LRP1B: variants seen among roughly 807,000 people sequenced by gnomAD.
The protein encoded by LRP1B is low-density lipoprotein receptor-related protein 1B.
In LRP1B, 217 loss-of-function variants were observed where a neutral mutation model predicts 556.6. That is an observed-to-expected ratio of 0.39 (90% confidence interval 0.35 to 0.44). The LOEUF is 0.44. Ranked by LOEUF, LRP1B falls within the 20% of genes least tolerant of loss-of-function variation. The probability of loss-of-function intolerance (pLI) is 1.00; values close to 1 mark genes in which losing one functional copy is unlikely to be tolerated. For synonymous variants in LRP1B, 2,047 were observed against 1,865.8 expected (o/e 1.10, Z -2.50); for missense variants, 5,053 against 5,620.8 (o/e 0.90, Z 3.23).
intron 11 of LRP1B, among the ~76,000 whole-genome samples, chr2:141,043,461 T>G (rs1698768337): frequency 6.6e-6 from 1 of 151,810 alleles, no homozygotes; most frequent in South Asian, 2.1e-4. Context: ...TGAAAAAAGT[T>G]TGGTAAAGAA....
intron 3 of LRP1B, among the ~76,000 whole-genome samples, chr2:141,454,119 T>G (rs767881952): frequency 6.6e-6 from 1 of 152,070 alleles, no homozygotes; most frequent in African/African-American, 2.4e-5. Flanking sequence ...GAGTGAAAAT[T>G]TGGCATTTAA....
chr2:141,508,081 A>AT (rs961285663), intron 2 of LRP1B, among the ~76,000 whole-genome samples: 1 of 13,872 alleles, frequency 7.2e-5, no homozygotes. Context: ...GGGAGACTCC[A>AT]TCCCCCCCCC....
At chr2:141,426,076 C>T (rs1015697411) in intron 3 of LRP1B, among the ~76,000 whole-genome samples, 5 of 152,020 alleles carry the variant, frequency 3.3e-5, no homozygotes, top group African/African-American at 1.2e-4. Context: ...AGGCTTTAAT[C>T]CATCTTGAAT....
At chr2:140,262,713 G>T (rs1029325882) in intron 86 of LRP1B, among the ~76,000 whole-genome samples, 1 of 152,020 alleles carries the variant, frequency 6.6e-6, no homozygotes, top group African/African-American at 2.4e-5. Context: ...CTTCTAAAGG[G>T]GGGGAGTCCC....
intron 86 of LRP1B, among the ~76,000 whole-genome samples, chr2:140,250,148 T>TTTTTG (rs913825275): frequency 7.9e-5 from 12 of 151,862 alleles, no homozygotes; most frequent in African/African-American, 2.9e-4. Context: ...TCTTTTCTTG[T>TTTTTG]TTTTGTTTTG....
At chr2:140,989,680 A>T (rs1429365) in intron 16 of LRP1B, 23 bp from the exon 17 acceptor site, 604,214 of 1,607,620 alleles carry the variant, frequency 0.38, 119,163 homozygotes, top group East Asian at 0.62. Context: ...GGGAAGCAAG[A>T]TTAATTATTT....
intron 1 of LRP1B, among the ~76,000 whole-genome samples, chr2:141,835,568 A>G (rs1309920847): frequency 6.6e-6 from 1 of 151,924 alleles, no homozygotes. Context: ...AAAAAGATAT[A>G]AATAGAAGAG....
chr2:141,301,218 C>CATT (rs1268782770), intron 3 of LRP1B, among the ~76,000 whole-genome samples: 1 of 152,078 alleles, frequency 6.6e-6, no homozygotes. Context: ...GAAATTCTAA[C>CATT]ATTACTCCAT....
chr2:140,662,243 T>G (rs1685123274), intron 41 of LRP1B, among the ~76,000 whole-genome samples: 2 of 152,050 alleles, frequency 1.3e-5, no homozygotes, highest in South Asian at 4.1e-4. Context: ...TATGAGGTAT[T>G]TCTTGAGTGA....
intron 20 of LRP1B, among the ~76,000 whole-genome samples, chr2:140,931,947 G>C (rs1008688101): frequency 6.6e-6 from 1 of 152,096 alleles, no homozygotes; most frequent in Non-Finnish European, 1.5e-5. Flanking sequence ...TTAAGTAAAA[G>C]AAATTGCAAT....
At chr2:140,250,170 C>T (rs192724599) in intron 86 of LRP1B, among the ~76,000 whole-genome samples, 5 of 151,850 alleles carry the variant, frequency 3.3e-5, no homozygotes, top group African/African-American at 4.8e-5. Flanking sequence ...TTTGTCTCAC[C>T]GTAGCAAACA....
At chr2:140,366,295 A>ATGTGCTCACTC (rs1682756714) in intron 71 of LRP1B, among the ~76,000 whole-genome samples, 1 of 151,772 alleles carries the variant, frequency 6.6e-6, no homozygotes, top group Non-Finnish European at 1.5e-5. Flanking sequence ...AAGGAGAGTG[A>ATGTGCTCACTC]GCACATAAAC....
chr2:141,033,798 C>A lies in LRP1B; in HGVS notation c.1790-13696G>T, dbSNP rs76435207. Among the ~76,000 whole-genome samples, 1,481 of 152,226 alleles carry A rather than the reference C, an allele frequency of 9.7e-3. 25 individuals carry two copies. The highest frequency in any genetic ancestry group is 0.033 in the African/African-American group (1,360 of 41,556). On this transcript the variant is annotated intron_variant, in intron 11 of 90. Transcript: ENST00000389484. ...AATCTGCTGGCACCTTGTTGAAGTA[C>A]CTCCTACCTCTAGAACTGTGAACAA...
chr2:141,731,820 A>G (rs1693284660), intron 2 of LRP1B, among the ~76,000 whole-genome samples: 1 of 152,120 alleles, frequency 6.6e-6, no homozygotes, highest in African/African-American at 2.4e-5. Context: ...TATTACACAC[A>G]TAAAGATCTT....
chr2:140,517,481 C>T (rs1251141534), intron 49 of LRP1B, among the ~76,000 whole-genome samples: 1 of 151,614 alleles, frequency 6.6e-6, no homozygotes, highest in Non-Finnish European at 1.5e-5. Flanking sequence ...TTTCTGTGGC[C>T]ATCTATTTGG....
At chr2:141,694,499 G>A (rs139088032) in intron 2 of LRP1B, among the ~76,000 whole-genome samples, 99 of 152,028 alleles carry the variant, frequency 6.5e-4, no homozygotes, top group African/African-American at 2.0e-3. Flanking sequence ...TTATTTTATC[G>A]ATAGGGAAAT....
At chr2:140,487,504 A>G (rs990420856) in intron 58 of LRP1B, 113 bp downstream of exon 58, 10 of 978,744 alleles carry the variant, frequency 1.0e-5, no homozygotes, top group Non-Finnish European at 1.4e-5. Context: ...TGAAATTGAA[A>G]CCACCCTAAT....
chr2:141,921,783 T>C (rs1041131333), intron 1 of LRP1B, among the ~76,000 whole-genome samples: 1 of 152,068 alleles, frequency 6.6e-6, no homozygotes. Flanking sequence ...AGAAAGCAAA[T>C]ATTCCATTCA....
At chr2:141,172,271 C>T (rs1459339191) in intron 7 of LRP1B, among the ~76,000 whole-genome samples, 1 of 152,062 alleles carries the variant, frequency 6.6e-6, no homozygotes, top group Non-Finnish European at 1.5e-5. Context: ...TGCATTATAA[C>T]ATGGTCTCAG....
Sources: allele counts gnomAD v4.1 joint callset (sites outside exome capture counted in the v4.1 genomes callset), GRCh38; gene constraint gnomAD v4.1.1; transcripts MANE v1.5; gene names NCBI Gene and HGNC (gene_info 2026-07-23, HGNC 2026-07-21).